The following SLC24A2 variants were observed in gnomAD, a reference collection of about 807,000 sequenced individuals.
SLC24A2 encodes sodium/potassium/calcium exchanger 2.
SLC24A2 carries 36 observed loss-of-function variants against 62.0 expected under a neutral mutation model. The observed-to-expected ratio is 0.58, with a 90% CI of 0.44 to 0.77. The LOEUF (loss-of-function observed/expected upper bound fraction) is 0.77. SLC24A2 is among the 30% of genes least tolerant of loss of function. SLC24A2 has a pLI of 0.00. For missense variants in SLC24A2, 846 were observed against 817.9 expected (o/e 1.03, Z -0.42); for synonymous variants, 358 against 294.0 (o/e 1.22, Z -2.23).
chr9:20,031,130 A>G, the SLC24A2 span, among the ~76,000 whole-genome samples: 7 of 151,734 alleles, frequency 4.6e-5, no homozygotes, highest in Admixed American at 1.3e-4. Context: ...ATATTCACAT[A>G]CACACATATA....
the SLC24A2 span, among the ~76,000 whole-genome samples, chr9:20,184,593 CAA>C: frequency 2.0e-5 from 3 of 152,094 alleles, no homozygotes; most frequent in East Asian, 3.9e-4. Context: ...ACAAAAAACA[CAA>C]AAGATAACAA....
chr9:20,109,454 A>C, the SLC24A2 span, among the ~76,000 whole-genome samples: 1 of 152,198 alleles, frequency 6.6e-6, no homozygotes, highest in Non-Finnish European at 1.5e-5. Flanking sequence ...TATGCCGAAT[A>C]CTTGCTTCCC....
At chr9:19,673,618 T>A (rs1462847769) in intron 2 of SLC24A2, among the ~76,000 whole-genome samples, 1 of 152,150 alleles carries the variant, frequency 6.6e-6, no homozygotes, top group Non-Finnish European at 1.5e-5. Flanking sequence ...CCAGCTAATT[T>A]TTTGTGTTTT....
At chr9:19,876,173 T>C in the SLC24A2 span, among the ~76,000 whole-genome samples, 1 of 152,172 alleles carries the variant, frequency 6.6e-6, no homozygotes, top group African/African-American at 2.4e-5. Flanking sequence ...CACCTAAACA[T>C]AGAAAGATTT....
the SLC24A2 span, among the ~76,000 whole-genome samples, chr9:20,083,901 C>G: frequency 6.6e-6 from 1 of 152,204 alleles, no homozygotes; most frequent in Admixed American, 6.5e-5. Context: ...CCCGTTTCCT[C>G]TAGTTCGATG....
intron 2 of SLC24A2, among the ~76,000 whole-genome samples, chr9:19,707,180 C>T (rs1820555947): frequency 6.6e-6 from 1 of 151,218 alleles, no homozygotes; most frequent in Non-Finnish European, 1.5e-5. Context: ...TTCCTCGACA[C>T]ATACACCCTC....
At chr9:20,133,573 T>A in the SLC24A2 span, among the ~76,000 whole-genome samples, 1 of 152,156 alleles carries the variant, frequency 6.6e-6, no homozygotes, top group African/African-American at 2.4e-5. Flanking sequence ...TTTCTCGATA[T>A]TTCAAATGTC....
chr9:20,057,994 TAAACAAAC>T, the SLC24A2 span, among the ~76,000 whole-genome samples: 8 of 152,090 alleles, frequency 5.3e-5, no homozygotes, highest in East Asian at 1.9e-4. Flanking sequence ...CTTTCTTTGG[TAAACAAAC>T]AAACAAACAA....
At chr9:19,533,123 AAGCT>A (rs1450467928) in intron 8 of SLC24A2, among the ~76,000 whole-genome samples, 1 of 152,192 alleles carries the variant, frequency 6.6e-6, no homozygotes, top group Non-Finnish European at 1.5e-5. Flanking sequence ...GCAGAAATAA[AAGCT>A]AGTGGGAGTA....
chr9:20,137,999 G>A, the SLC24A2 span, among the ~76,000 whole-genome samples: 1 of 152,148 alleles, frequency 6.6e-6, no homozygotes, highest in Admixed American at 6.5e-5. Context: ...AGCTGAGAAG[G>A]AACATTATTC....
chr9:19,781,206 AC>A (rs1823010167), intron 2 of SLC24A2, among the ~76,000 whole-genome samples: 1 of 152,144 alleles, frequency 6.6e-6, no homozygotes, highest in South Asian at 2.1e-4. Flanking sequence ...CCAAAACCAC[AC>A]TCTGGATGTA....
At chr9:20,167,780 C>A in the SLC24A2 span, among the ~76,000 whole-genome samples, 1 of 151,966 alleles carries the variant, frequency 6.6e-6, no homozygotes, top group Non-Finnish European at 1.5e-5. Flanking sequence ...AGTGCAGTGG[C>A]AAGATCATAG....
chr9:19,857,358 A>T, the SLC24A2 span, among the ~76,000 whole-genome samples: 1 of 152,180 alleles, frequency 6.6e-6, no homozygotes, highest in Non-Finnish European at 1.5e-5. Flanking sequence ...CCCATCCCCA[A>T]ATCCTCAATT....
At chr9:19,722,669 A>T (rs910985015) in intron 2 of SLC24A2, among the ~76,000 whole-genome samples, 1 of 144,166 alleles carries the variant, frequency 6.9e-6, no homozygotes, top group East Asian at 2.1e-4. Context: ...AAAAAAAAAA[A>T]CCACGATATT....
chr9:20,184,674 A>G, the SLC24A2 span, among the ~76,000 whole-genome samples: 1,661 of 152,362 alleles, frequency 0.011, 7 homozygotes, highest in African/African-American at 0.02. Flanking sequence ...TAGTACAACC[A>G]TATGGAGAAC....
the SLC24A2 span, among the ~76,000 whole-genome samples, chr9:20,116,226 A>G: frequency 6.6e-6 from 1 of 152,136 alleles, no homozygotes; most frequent in Admixed American, 6.6e-5. Context: ...CCAGAATGCC[A>G]TTCTCATAGC....
At chr9:20,249,283 A>G in the SLC24A2 span, among the ~76,000 whole-genome samples, 1 of 152,338 alleles carries the variant, frequency 6.6e-6, no homozygotes, top group African/African-American at 2.4e-5. Flanking sequence ...GATTATAATT[A>G]TCACAGCTCT....
chr9:20,143,580 T>C, the SLC24A2 span, among the ~76,000 whole-genome samples: 2 of 152,222 alleles, frequency 1.3e-5, no homozygotes, highest in Admixed American at 6.5e-5. Flanking sequence ...TTTTCTCCCA[T>C]GTCTGTTTCT....
chr9:19,529,255 A>G (rs1833582839), intron 8 of SLC24A2, among the ~76,000 whole-genome samples: 1 of 152,164 alleles, frequency 6.6e-6, no homozygotes, highest in Admixed American at 6.5e-5. Flanking sequence ...CAATTGTCCG[A>G]AAGGCTGACC....
Sources: allele counts gnomAD v4.1 joint callset (sites outside exome capture counted in the v4.1 genomes callset), GRCh38; gene constraint gnomAD v4.1.1; transcripts MANE v1.5; gene names NCBI Gene and HGNC (gene_info 2026-07-23, HGNC 2026-07-21).